Variants in MYO3A observed in about 807,000 individuals in gnomAD.
MYO3A encodes myosin IIIA, also known as myosin-IIIa.
Under a neutral mutation model 192.7 loss-of-function variants are expected in MYO3A, and 180 were observed. The ratio of observed to expected loss-of-function variants is 0.93; its 90% CI spans 0.83 to 1.06. The LOEUF is 1.06. Ranked by LOEUF, MYO3A falls within the 50% of genes least tolerant of loss-of-function variation. The probability of loss-of-function intolerance (pLI) is 0.00; values close to 1 mark genes in which losing one functional copy is unlikely to be tolerated. For missense variants in MYO3A, 1,896 were observed against 1,905.0 expected (o/e 1.00, Z 0.09); for synonymous variants, 628 against 645.3 (o/e 0.97, Z 0.41).
chr10:26,146,588 C>G (rs575175217), intron 22 of MYO3A, among the ~76,000 whole-genome samples: 1 of 152,158 alleles, frequency 6.6e-6, no homozygotes, highest in East Asian at 1.9e-4. Flanking sequence ...GAGAAATATC[C>G]CTGGTTCCTC....
At chr10:26,064,094 G>C (rs1205426935) in intron 10 of MYO3A, among the ~76,000 whole-genome samples, 2 of 152,178 alleles carry the variant, frequency 1.3e-5, no homozygotes, top group Non-Finnish European at 2.9e-5. Context: ...TAGAATATGA[G>C]AGGTGATGAG....
At chr10:26,009,991 T>G (rs11014905) in intron 6 of MYO3A, among the ~76,000 whole-genome samples, 1 of 152,050 alleles carries the variant, frequency 6.6e-6, no homozygotes, top group African/African-American at 2.4e-5. Flanking sequence ...TCTCTACAGC[T>G]AAGGTCCAGT....
At chr10:26,071,445 G>A (rs4313469) in intron 14 of MYO3A, among the ~76,000 whole-genome samples, 72,218 of 151,938 alleles carry the variant, frequency 0.48, 17,956 homozygotes, top group Middle Eastern at 0.59. Flanking sequence ...ACAAGAAAAC[G>A]TAGGAAAAGT....
intron 6 of MYO3A, among the ~76,000 whole-genome samples, chr10:26,005,277 T>A (rs916284444): frequency 6.6e-6 from 1 of 151,930 alleles, no homozygotes; most frequent in African/African-American, 2.4e-5. Context: ...AAACCCAAAT[T>A]CAGGAACAGT....
chr10:26,189,100 C>A (rs1843000024), intron 31 of MYO3A, among the ~76,000 whole-genome samples: 3 of 152,044 alleles, frequency 2.0e-5, no homozygotes, highest in South Asian at 2.1e-4. Flanking sequence ...AAAGAGGATA[C>A]AAACAAATGG....
intron 10 of MYO3A, among the ~76,000 whole-genome samples, chr10:26,042,638 G>A (rs1843415054): frequency 6.6e-6 from 1 of 152,040 alleles, no homozygotes; most frequent in Admixed American, 6.6e-5. Context: ...TTCAACCCCA[G>A]AATTTCTGTT....
intron 26 of MYO3A, among the ~76,000 whole-genome samples, chr10:26,160,725 G>A (rs977486339): frequency 6.6e-6 from 1 of 152,184 alleles, no homozygotes; most frequent in African/African-American, 2.4e-5. Context: ...GGAGAAAACA[G>A]GAGTTTTCTT....
rs147010146 is a variant in MYO3A at position 25,962,470 on chromosome 10, A to G, written c.303+7462A>G. On this transcript the variant is annotated intron_variant, in intron 4 of 34. Coordinates refer to ENST00000642920, the MANE Select transcript of MYO3A (RefSeq NM_017433.5). ...TAATTTAGTTTTTTATAGAACATCTACGGGGAGTTTTGTTGTCATTCAATA... is the reference window on the plus strand; with the variant it reads ...TAATTTAGTTTTTTATAGAACATCTGCGGGGAGTTTTGTTGTCATTCAATA... Among the ~76,000 whole-genome samples the G allele has an allele frequency of 2.7e-3, 415 of 152,240 alleles. 3 individuals are homozygous for G. Among genetic ancestry groups the G allele is most frequent in the Non-Finnish European group, 4.9e-3 (331 of 67,990 alleles).
At chr10:26,107,764 C>A (rs1325952967) in intron 17 of MYO3A, among the ~76,000 whole-genome samples, 2 of 151,588 alleles carry the variant, frequency 1.3e-5, no homozygotes, top group African/African-American at 2.4e-5. Context: ...TTTGCCCTTA[C>A]TCTTTTATCT....
rs564813420 is a variant in MYO3A, at chr10:26,195,312, G to T, written c.4545+2001G>T. Among the ~76,000 whole-genome samples the T allele has an allele frequency of 1.9e-4, 29 of 152,200 alleles. No homozygotes were observed. The South Asian group carries it at 6.0e-3, about 32-fold the overall frequency. ...AAATCCAAATATCTCTTGAGTTTCTGTTTCTCTCCATGCTCTGTGCTAATA... is the reference window on the plus strand; with the variant it reads ...AAATCCAAATATCTCTTGAGTTTCTTTTTCTCTCCATGCTCTGTGCTAATA... On this transcript the variant is annotated intron_variant, in intron 32 of 34. Coordinates refer to ENST00000642920, the MANE Select transcript of MYO3A (RefSeq NM_017433.5).
At chr10:26,126,467 A>G (rs1283651445) in intron 19 of MYO3A, among the ~76,000 whole-genome samples, 2 of 152,094 alleles carry the variant, frequency 1.3e-5, no homozygotes, top group African/African-American at 4.8e-5. Context: ...ACTGTCTAAG[A>G]CCTTATCCAT....
At chr10:25,998,027 C>T (rs867836797) in intron 6 of MYO3A, among the ~76,000 whole-genome samples, 1 of 152,122 alleles carries the variant, frequency 6.6e-6, no homozygotes, top group South Asian at 2.1e-4. Flanking sequence ...TAAGGTATCC[C>T]TCCTTGTGTT....
chr10:26,105,420 T>C (rs1265343664), intron 17 of MYO3A, among the ~76,000 whole-genome samples: 4 of 152,094 alleles, frequency 2.6e-5, no homozygotes, highest in Non-Finnish European at 5.9e-5. Flanking sequence ...GAAAGTAACA[T>C]GTTGTTTTAA....
At chr10:25,994,896 C>A (rs922635819) in intron 4 of MYO3A, among the ~76,000 whole-genome samples, 1 of 152,182 alleles carries the variant, frequency 6.6e-6, no homozygotes, top group Admixed American at 6.5e-5. Context: ...GTCTGATGGG[C>A]TTCCCTTTGT....
At chr10:25,940,065 C>T (rs12249093) in intron 2 of MYO3A, among the ~76,000 whole-genome samples, 3,415 of 152,042 alleles carry the variant, frequency 0.022, 157 homozygotes, top group African/African-American at 0.078. Flanking sequence ...CATTATTGTA[C>T]TTCCATTCTT....
Position 26,068,776 on chromosome 10 carries a change from C to A in MYO3A, c.1062C>A (p.Val354=). Residue 354 remains valine (V), a synonymous_variant, in exon 12 of 35, where the codon GTC becomes GTA. Transcript: ENST00000642920. ...ATTTTATTTTATTGCAGAATACAGT[C>A]TCAGAGCAACTTGAGAAGTGTTATT... ...ATLEILDENT[V]SEQLEKCYSR... is the part of the protein sequence containing the mutation. The A allele has an allele frequency of 6.4e-7, 1 of 1,570,684 alleles. No individual in the cohort carries two copies. Among genetic ancestry groups the A allele is most frequent in the South Asian group, 1.1e-5 (1 of 90,250 alleles).
chr10:26,164,516 G>A (rs1841636834), intron 26 of MYO3A, among the ~76,000 whole-genome samples: 1 of 152,138 alleles, frequency 6.6e-6, no homozygotes, highest in Admixed American at 6.5e-5. Context: ...CGGAGGGCAG[G>A]GGCTGCTGGG....
At chr10:26,044,303 C>T (rs1843518183) in intron 10 of MYO3A, among the ~76,000 whole-genome samples, 1 of 152,242 alleles carries the variant, frequency 6.6e-6, no homozygotes, top group Non-Finnish European at 1.5e-5. Flanking sequence ...GGAGCAAACA[C>T]TCCCTTAGCC....
chr10:26,183,249 G>A (rs781405284), intron 31 of MYO3A, among the ~76,000 whole-genome samples: 15 of 152,206 alleles, frequency 9.9e-5, no homozygotes, highest in Non-Finnish European at 1.8e-4. Context: ...TTTCGGCTGG[G>A]CGTGGTGGCT....
Sources: gnomAD v4.1 joint callset for allele counts (sites outside exome capture counted in the v4.1 genomes callset) on GRCh38, gnomAD v4.1.1 for gene constraint, MANE v1.5 for transcripts, NCBI Gene and HGNC (gene_info 2026-07-23, HGNC 2026-07-21) for gene names.